The following PDE3A variants were observed in gnomAD, a reference collection of about 807,000 sequenced individuals.
PDE3A encodes the protein cGMP-inhibited 3',5'-cyclic phosphodiesterase 3A.
In PDE3A, 43 loss-of-function variants were observed where a neutral mutation model predicts 98.3. The ratio of observed to expected loss-of-function variants is 0.44; its 90% CI spans 0.34 to 0.56. PDE3A has a LOEUF of 0.56. Ranked by LOEUF, PDE3A falls within the 20% of genes least tolerant of loss-of-function variation. The probability of loss-of-function intolerance (pLI) is 0.01; values close to 1 mark genes in which losing one functional copy is unlikely to be tolerated. For missense variants in PDE3A, 1,427 were observed against 1,440.7 expected, an observed-to-expected ratio of 0.99 and a Z score of 0.15; for synonymous variants, 663 against 567.9, an observed-to-expected ratio of 1.17 and a Z score of -2.38.
intron 2 of PDE3A, among the ~76,000 whole-genome samples, chr12:20,598,702 G>A (rs1943523151): frequency 6.6e-6 from 1 of 152,174 alleles, no homozygotes; most frequent in South Asian, 2.1e-4. Flanking sequence ...AGAGATTTCT[G>A]AAAGAAGAAA....
intron 12 of PDE3A, among the ~76,000 whole-genome samples, chr12:20,648,129 A>T (rs2121516246): frequency 6.6e-6 from 1 of 151,326 alleles, no homozygotes; most frequent in Non-Finnish European, 1.5e-5. Context: ...TTTCCTGTGG[A>T]GTGGAGTGAG....
chr12:20,680,010 T>A lies in PDE3A; in HGVS notation c.3185-20T>A, dbSNP rs1418447010. ...CAACTAAGTAGTCTGATTTGGTGTTTTTTATTTTATTTATTTTAGAAAAGA... is the reference window on the plus strand; with the variant it reads ...CAACTAAGTAGTCTGATTTGGTGTTATTTATTTTATTTATTTTAGAAAAGA... On this transcript the variant is annotated intron_variant, in intron 15 of 15. Coordinates refer to ENST00000359062, the MANE Select transcript of PDE3A (RefSeq NM_000921.5). The A allele has an allele frequency of 6.4e-7, 1 of 1,563,328 alleles. No homozygotes were observed. The highest frequency in any genetic ancestry group is 1.4e-5 in the African/African-American group (1 of 72,352).
At chr12:20,382,321 A>G (rs562922767) in intron 1 of PDE3A, among the ~76,000 whole-genome samples, 2 of 152,026 alleles carry the variant, frequency 1.3e-5, no homozygotes, top group East Asian at 1.9e-4. Flanking sequence ...CCAATTCAAC[A>G]AACAGTTTAA....
chr12:20,561,015 C>CACTT (rs142182281), intron 2 of PDE3A, among the ~76,000 whole-genome samples: 2,644 of 142,862 alleles, frequency 0.019, 65 homozygotes, highest in African/African-American at 0.071. Context: ...GTAATCCCGG[C>CACTT]ACTTTGGGAG....
chr12:20,498,395 A>T (rs1007013843), intron 1 of PDE3A, among the ~76,000 whole-genome samples: 1 of 152,160 alleles, frequency 6.6e-6, no homozygotes, highest in Non-Finnish European at 1.5e-5. Context: ...AAAGTGAGTG[A>T]GTGTGTCTGA....
At chr12:20,673,695 T>C (rs1204834712) in intron 15 of PDE3A, among the ~76,000 whole-genome samples, 2 of 117,532 alleles carry the variant, frequency 1.7e-5, no homozygotes, top group African/African-American at 6.6e-5. Context: ...CTGGGGACTG[T>C]TGTGGGGTGG....
chr12:20,598,980 T>A (rs961087293), intron 2 of PDE3A, among the ~76,000 whole-genome samples: 6 of 152,352 alleles, frequency 3.9e-5, no homozygotes, highest in African/African-American at 1.4e-4. Context: ...TCATTTTCCT[T>A]GTCAGCCATC....
At chr12:20,616,960 C>T (rs1216187636) in intron 4 of PDE3A, among the ~76,000 whole-genome samples, 2 of 152,064 alleles carry the variant, frequency 1.3e-5, no homozygotes, top group East Asian at 3.8e-4. Context: ...GTTATATTAA[C>T]ATCTAAAAAG....
chr12:20,524,413 C>A (rs1046282097), intron 1 of PDE3A, among the ~76,000 whole-genome samples: 3 of 152,040 alleles, frequency 2.0e-5, no homozygotes, highest in African/African-American at 4.8e-5. Flanking sequence ...CAGTTATCTT[C>A]TAGAATGTGA....
intron 1 of PDE3A, among the ~76,000 whole-genome samples, chr12:20,534,091 A>G (rs1447111340): frequency 1.3e-5 from 2 of 152,016 alleles, no homozygotes; most frequent in Non-Finnish European, 2.9e-5. Flanking sequence ...ACCCTCTTCA[A>G]CCTTCAAGCC....
At chr12:20,487,164 G>A (rs1219052452) in intron 1 of PDE3A, among the ~76,000 whole-genome samples, 2 of 152,138 alleles carry the variant, frequency 1.3e-5, no homozygotes, top group Non-Finnish European at 2.9e-5. Flanking sequence ...GTGTCTGTGA[G>A]TGTGTGTTCA....
chr12:20,622,856 A>G (rs1944170606), intron 5 of PDE3A, among the ~76,000 whole-genome samples: 3 of 152,276 alleles, frequency 2.0e-5, no homozygotes, highest in South Asian at 2.1e-4. Flanking sequence ...GTTAAGGGCC[A>G]TGAGATTTTA....
chr12:20,661,514 G>A lies in PDE3A; in HGVS notation c.3184+7309G>A, dbSNP rs1165243417. On this transcript the variant is annotated intron_variant, in intron 15 of 15. Coordinates refer to ENST00000359062, the MANE Select transcript of PDE3A (RefSeq NM_000921.5). The stretch of plus-strand genomic sequence containing the variant: ...CCATCACAGGCCTAGGGGCCTAGGA[G>A]GAAAAAGTGGTTTAATGGGCTGGGT... Among the ~76,000 whole-genome samples the A allele has an allele frequency of 4.6e-5, 7 of 152,262 alleles. No homozygotes were observed. The East Asian group carries it at 1.4e-3, about 30-fold the overall frequency.
intron 1 of PDE3A, among the ~76,000 whole-genome samples, chr12:20,534,279 T>C (rs1274529907): frequency 1.3e-5 from 2 of 152,226 alleles, no homozygotes; most frequent in African/African-American, 2.4e-5. Flanking sequence ...AGGTTGTAGG[T>C]ACCCAGTGAT....
rs1530447 is a variant in PDE3A, at chr12:20,381,765, C to T, written c.960+11521C>T. Among the ~76,000 whole-genome samples, 584 of 151,934 alleles carry T rather than the reference C, an allele frequency of 3.8e-3. 4 individuals carry two copies. The highest frequency in any genetic ancestry group is 0.012 in the African/African-American group (499 of 41,488). On this transcript the variant is annotated intron_variant, in intron 1 of 15. Transcript: ENST00000359062. ...TATGACCAGAATTGATTAAAAATGTCGGCAAGTAAGTTTGTTATTTAATAT... is the reference window on the plus strand; with the variant it reads ...TATGACCAGAATTGATTAAAAATGTTGGCAAGTAAGTTTGTTATTTAATAT...
intron 2 of PDE3A, among the ~76,000 whole-genome samples, chr12:20,569,168 T>C (rs1942733421): frequency 2.0e-5 from 3 of 152,090 alleles, no homozygotes; most frequent in African/African-American, 7.2e-5. Flanking sequence ...TATGCTAACT[T>C]TGGTAACCAC....
chr12:20,385,745 C>G (rs1201802848), intron 1 of PDE3A, among the ~76,000 whole-genome samples: 1 of 149,698 alleles, frequency 6.7e-6, no homozygotes, highest in Non-Finnish European at 1.5e-5. Flanking sequence ...ACAATAAGAA[C>G]ACTTGGACAC....
At chr12:20,543,882 C>A (rs1033525763) in intron 1 of PDE3A, among the ~76,000 whole-genome samples, 3 of 151,816 alleles carry the variant, frequency 2.0e-5, no homozygotes, top group African/African-American at 7.3e-5. Flanking sequence ...TTAATGCTTA[C>A]AAAACCATAC....
chr12:20,435,007 G>T (rs938780830), intron 1 of PDE3A, among the ~76,000 whole-genome samples: 4 of 152,218 alleles, frequency 2.6e-5, no homozygotes, highest in Admixed American at 2.0e-4. Flanking sequence ...ATTACATTGT[G>T]TATTGTTGAA....
Sources: allele counts gnomAD v4.1 joint callset (sites outside exome capture counted in the v4.1 genomes callset), GRCh38; gene constraint gnomAD v4.1.1; transcripts MANE v1.5; gene names NCBI Gene and HGNC (gene_info 2026-07-23, HGNC 2026-07-21).